Variants in ABCB4 observed in about 807,000 individuals in gnomAD.
ABCB4 encodes ATP binding cassette subfamily B member 4.
ABCB4 carries 76 observed loss-of-function variants against 145.7 expected under a neutral mutation model. The observed-to-expected ratio is 0.52, with a 90% CI of 0.43 to 0.63. The LOEUF is 0.63. ABCB4 is among the 30% of genes least tolerant of loss of function. The probability of loss-of-function intolerance (pLI) is 0.00; values close to 1 mark genes in which losing one functional copy is unlikely to be tolerated. For synonymous variants in ABCB4, 517 were observed against 566.8 expected (o/e 0.91, Z 1.25); for missense variants, 1,234 against 1,553.1 (o/e 0.79, Z 3.45).
chr7:87,461,525 G>A (rs1812459707), intron 4 of ABCB4, among the ~76,000 whole-genome samples: 1 of 152,140 alleles, frequency 6.6e-6, no homozygotes, highest in African/African-American at 2.4e-5. Context: ...GTGTAGTATT[G>A]TTCTTGTGAG....
At chr7:87,434,941 A>G (rs1810512328) in intron 14 of ABCB4, among the ~76,000 whole-genome samples, 1 of 152,228 alleles carries the variant, frequency 6.6e-6, no homozygotes, top group Non-Finnish European at 1.5e-5. Flanking sequence ...CATAAAAATA[A>G]GTAGGTAACT....
the ABCB4 span, among the ~76,000 whole-genome samples, chr7:87,383,085 TCAACC>T: frequency 6.6e-6 from 1 of 152,244 alleles, no homozygotes; most frequent in African/African-American, 2.4e-5. Flanking sequence ...GTCCACTGCC[TCAACC>T]ATTTATTACG....
At chr7:87,389,007 C>A in the ABCB4 span, among the ~76,000 whole-genome samples, 3 of 151,988 alleles carry the variant, frequency 2.0e-5, no homozygotes, top group East Asian at 3.9e-4. Flanking sequence ...ATGTGGCCAA[C>A]AAACAAATGA....
At chr7:87,381,858 A>G in the ABCB4 span, 15 of 1,264,998 alleles carry the variant, frequency 1.2e-5, no homozygotes, top group East Asian at 3.3e-4. Context: ...ATATTGGGTC[A>G]AGTTTTAAGT....
chr7:87,468,090 A>G (rs907046264), intron 3 of ABCB4, among the ~76,000 whole-genome samples: 4 of 152,242 alleles, frequency 2.6e-5, no homozygotes, highest in Admixed American at 2.0e-4. Context: ...CCCTTCAAAA[A>G]GTCAATGAAT....
At position 87,475,446 on chromosome 7, in the gene ABCB4, T is replaced by C; in HGVS notation, c.20A>G (p.Lys7Arg). 1 of 1,614,164 alleles carries C rather than the reference T, an allele frequency of 6.2e-7. No homozygotes were observed. Among genetic ancestry groups the C allele is most frequent in the Non-Finnish European group, 8.5e-7 (1 of 1,180,028 alleles). The part of the protein sequence containing the change: MDLEAA[K>R]NGTAWRPTSA... ...CGTGGGGCGCCAGGCTGTTCCGTTC[T>C]TTGCCGCCTCAAGATCCATCTCAGC... Residue 7 changes from lysine to arginine, a missense_variant, in exon 2 of 28, where the codon AAG becomes AGG. Physicochemically the swap from Lys to Arg is conservative, Grantham distance 26 (BLOSUM62 2). Transcript: ENST00000649586.
intron 8 of ABCB4, among the ~76,000 whole-genome samples, chr7:87,447,702 G>A (rs1811441086): frequency 6.6e-6 from 1 of 152,258 alleles, no homozygotes; most frequent in Non-Finnish European, 1.5e-5. Context: ...ACATGTTGTT[G>A]TACATAAACA....
downstream of ABCB4, among the ~76,000 whole-genome samples, chr7:87,400,091 C>T (rs1435887481): frequency 1.3e-5 from 2 of 152,134 alleles, no homozygotes; most frequent in Admixed American, 1.3e-4. Context: ...AGCTTCCTTA[C>T]TTGGTAGTGA....
intron 2 of ABCB4, among the ~76,000 whole-genome samples, chr7:87,473,475 A>T (rs1408465598): frequency 6.6e-6 from 1 of 152,086 alleles, no homozygotes; most frequent in African/African-American, 2.4e-5. Context: ...CTCCCCTTAG[A>T]TACCCACACA....
the ABCB4 span, chr7:87,375,970 TC>T: frequency 1.4e-6 from 2 of 1,454,250 alleles, no homozygotes; most frequent in East Asian, 2.5e-5. Flanking sequence ...AACTACCTTC[TC>T]TTTTTTTTTT....
chr7:87,379,016 G>A, the ABCB4 span, among the ~76,000 whole-genome samples: 7 of 152,154 alleles, frequency 4.6e-5, no homozygotes, highest in Non-Finnish European at 1.0e-4. Flanking sequence ...AATAGTTCTT[G>A]TTAATTGCCT....
Position 87,468,463 on chromosome 7 carries a change from G to A in ABCB4, c.135+4158C>T, listed in dbSNP as rs975500041. ...CGAATTCTACCAGAGGTACAAGGAG[G>A]AACTGGTACCATTCCTTCTGAAACT... On this transcript the variant is annotated intron_variant, in intron 3 of 27. Transcript: ENST00000649586. 2.6e-5 allele frequency among the ~76,000 whole-genome samples: 4 copies of A among 152,120 alleles called. No homozygotes were observed. The South Asian group carries it at 8.3e-4, about 32-fold the overall frequency.
downstream of ABCB4, among the ~76,000 whole-genome samples, chr7:87,401,393 TG>T (rs1227818390): frequency 6.6e-6 from 1 of 152,202 alleles, no homozygotes; most frequent in Non-Finnish European, 1.5e-5. Flanking sequence ...ACGGATTTTC[TG>T]GGAAAAGTAG....
intron 3 of ABCB4, among the ~76,000 whole-genome samples, chr7:87,466,287 G>A (rs1421961096): frequency 1.3e-5 from 2 of 152,186 alleles, no homozygotes; most frequent in Admixed American, 6.5e-5. Flanking sequence ...TCAAGTGGAA[G>A]AAAGGGTATC....
chr7:87,371,204 G>A, the ABCB4 span, among the ~76,000 whole-genome samples: 1 of 152,052 alleles, frequency 6.6e-6, no homozygotes, highest in Admixed American at 6.5e-5. Flanking sequence ...ATTTTGTGTT[G>A]ACTTTTACGT....
the ABCB4 span, among the ~76,000 whole-genome samples, chr7:87,374,849 T>C: frequency 2.0e-5 from 3 of 151,870 alleles, no homozygotes; most frequent in Admixed American, 2.0e-4. Context: ...GACCATTTAT[T>C]AAGCTACATT....
downstream of ABCB4, among the ~76,000 whole-genome samples, chr7:87,400,936 T>C (rs1318416503): frequency 1.3e-5 from 2 of 152,218 alleles, no homozygotes; most frequent in Non-Finnish European, 2.9e-5. Context: ...CTGATGTGAA[T>C]AATCACCTAG....
the ABCB4 span, among the ~76,000 whole-genome samples, chr7:87,370,601 T>C: frequency 6.6e-6 from 1 of 152,342 alleles, no homozygotes; most frequent in East Asian, 1.9e-4. Context: ...TGCAAACATG[T>C]ACAAAACTGC....
rs1282059800 is a variant in ABCB4, at chr7:87,440,322, C to T, written c.1437G>A (p.Pro479=). 3.1e-5 allele frequency: 50 copies of T among 1,614,084 alleles called. No homozygotes were observed. Among genetic ancestry groups the T allele is most frequent in the Non-Finnish European group, 4.1e-5 (48 of 1,180,006 alleles). ...CAGCAATTGTGGTGGAAAACAGCAC[C>T]GGCTCCTGACTCACCACACCAATGA... ...REIIGVVSQE[P]VLFSTTIAEN... Residue 479 remains proline, a synonymous_variant, in exon 13 of 28, where the codon CCG becomes CCA. Coordinates refer to ENST00000649586, the MANE Select transcript of ABCB4 (RefSeq NM_000443.4).
Sources: gnomAD v4.1 joint callset for allele counts (sites outside exome capture counted in the v4.1 genomes callset) on GRCh38, gnomAD v4.1.1 for gene constraint, MANE v1.5 for transcripts, NCBI Gene and HGNC (gene_info 2026-07-23, HGNC 2026-07-21) for gene names.